The following NAALADL2 variants were observed in gnomAD, a reference collection of about 807,000 sequenced individuals.
The protein encoded by NAALADL2 is N-acetylated alpha-linked acidic dipeptidase like 2, also known as inactive N-acetylated-alpha-linked acidic dipeptidase-like protein 2.
Under a neutral mutation model 87.2 loss-of-function variants are expected in NAALADL2, and 76 were observed. The observed-to-expected ratio is 0.87, with a 90% CI of 0.72 to 1.05. The LOEUF is 1.05. NAALADL2 is among the 50% of genes least tolerant of loss of function. NAALADL2 has a pLI of 0.00. For missense variants in NAALADL2, 1,089 were observed against 945.8 expected, an observed-to-expected ratio of 1.15 and a Z score of -1.99; for synonymous variants, 354 against 331.0, an observed-to-expected ratio of 1.07 and a Z score of -0.75.
intron 2 of NAALADL2, among the ~76,000 whole-genome samples, chr3:174,708,379 G>C (rs1015171836): frequency 4.6e-5 from 7 of 152,134 alleles, no homozygotes; most frequent in African/African-American, 1.7e-4. Context: ...TTTCTTTGAA[G>C]TTTGCATGCT....
chr3:175,331,021 A>G (rs550739463), intron 5 of NAALADL2, among the ~76,000 whole-genome samples: 6 of 152,306 alleles, frequency 3.9e-5, no homozygotes, highest in South Asian at 2.1e-4. Flanking sequence ...ATGAACAACT[A>G]TACACTAACA....
At chr3:175,013,302 T>TATA (rs1491529571) in intron 1 of NAALADL2, among the ~76,000 whole-genome samples, 32 of 54,844 alleles carry the variant, frequency 5.8e-4, no homozygotes, top group Non-Finnish European at 8.8e-4. Context: ...TATATATATA[T>TATA]TTTTTTTTTT....
chr3:174,969,248 A>G (rs1443705243), intron 1 of NAALADL2, among the ~76,000 whole-genome samples: 1 of 152,130 alleles, frequency 6.6e-6, no homozygotes, highest in Non-Finnish European at 1.5e-5. Flanking sequence ...ATGTTATCTT[A>G]AATGTCATTG....
intron 2 of NAALADL2, among the ~76,000 whole-genome samples, chr3:174,652,709 A>C (rs1724498789): frequency 6.6e-6 from 1 of 152,314 alleles, no homozygotes; most frequent in African/African-American, 2.4e-5. Flanking sequence ...ACACAGCCAA[A>C]CCATATCACA....
intron 4 of NAALADL2, among the ~76,000 whole-genome samples, chr3:175,300,731 C>A (rs1756954301): frequency 6.7e-6 from 1 of 148,702 alleles, no homozygotes; most frequent in African/African-American, 2.4e-5. Flanking sequence ...TTCAAAAAAC[C>A]ATCTCCTGGA....
intron 3 of NAALADL2, among the ~76,000 whole-genome samples, chr3:174,843,701 T>C (rs2109433651): frequency 6.6e-6 from 1 of 152,296 alleles, no homozygotes; most frequent in East Asian, 1.9e-4. Flanking sequence ...CTGACACTTT[T>C]GTCTTTGGTA....
At chr3:174,748,534 G>C (rs933188566) in intron 3 of NAALADL2, among the ~76,000 whole-genome samples, 4 of 152,040 alleles carry the variant, frequency 2.6e-5, no homozygotes, top group African/African-American at 9.7e-5. Flanking sequence ...AATTCATGTT[G>C]TTTTAAGCCA....
chr3:174,901,929 C>T (rs1732363976), intron 1 of NAALADL2, among the ~76,000 whole-genome samples: 1 of 152,198 alleles, frequency 6.6e-6, no homozygotes, highest in African/African-American at 2.4e-5. Context: ...TGTAAATGTT[C>T]TCTCAAATGA....
At chr3:175,290,768 C>T (rs771556742) in intron 4 of NAALADL2, among the ~76,000 whole-genome samples, 2 of 152,068 alleles carry the variant, frequency 1.3e-5, no homozygotes, top group Admixed American at 6.6e-5. Flanking sequence ...TGAAGTATTG[C>T]AAACCTCACT....
Position 175,809,968 on chromosome 3 carries a change from C to T in NAALADL2, c.*6765C>T, listed in dbSNP as rs986420669. ...AATAAATTTGCTTTGATTAAAAACA[C>T]ATATCTCTCAAGAGGTGTCCCAATT... On this transcript the variant is annotated 3_prime_UTR_variant, in exon 14 of 14. Coordinates refer to ENST00000454872, the MANE Select transcript of NAALADL2 (RefSeq NM_207015.3). 2.6e-5 allele frequency: 4 copies of T among 151,966 alleles called. No individual in the cohort carries two copies. Among genetic ancestry groups the T allele is most frequent in the African/African-American group, 4.8e-5 (2 of 41,384 alleles). The allele number at this position is 151,966 out of a possible 1,614,324, so 9.4% of individuals were successfully genotyped here. A position where few individuals can be genotyped will look rare whatever the true frequency, so the allele number is the denominator to read the frequency against.
chr3:174,835,673 G>A (rs1723251426), intron 3 of NAALADL2, among the ~76,000 whole-genome samples: 1 of 152,030 alleles, frequency 6.6e-6, no homozygotes, highest in African/African-American at 2.4e-5. Context: ...TAAACAATCT[G>A]ATTTTTTAAA....
rs184457432 is a variant in NAALADL2, at chr3:175,333,677, G to A, written c.1090+9352G>A. Among the ~76,000 whole-genome samples the A allele has an allele frequency of 1.5e-4, 23 of 150,094 alleles. No homozygotes were observed. The East Asian group carries it at 4.4e-3, about 29-fold the overall frequency. Reference sequence around the variant, plus strand: ...GATATCAGAGGCTGTGGGTAGAGGTGTGGTGGGCGCCGGGGGGATGAAGAG... The same window carrying A: ...GATATCAGAGGCTGTGGGTAGAGGTATGGTGGGCGCCGGGGGGATGAAGAG... On this transcript the variant is annotated intron_variant, in intron 5 of 13. Transcript: ENST00000454872.
At chr3:175,147,238 C>T (rs1381876935) in intron 2 of NAALADL2, among the ~76,000 whole-genome samples, 1 of 152,094 alleles carries the variant, frequency 6.6e-6, no homozygotes. Context: ...TTGCCATCCT[C>T]CTTTGCTCCC....
rs1316176603 is a variant in NAALADL2 at position 175,809,410 on chromosome 3, C to T, written c.*6207C>T. 5 of 139,730 alleles carry T rather than the reference C, an allele frequency of 3.6e-5. No individual in the cohort carries two copies. Among genetic ancestry groups the T allele is most frequent in the Non-Finnish European group, 7.6e-5 (5 of 66,194 alleles). 8.7% of individuals were successfully genotyped at this position (139,730 alleles called of 1,614,324 possible). ...TTGCTACTTGGAGAATATGGATATT[C>T]TGAAAAGAAAAACCCTTTCTAGAAC... is the stretch of plus-strand genomic sequence containing the variant. On this transcript the variant is annotated 3_prime_UTR_variant, in exon 14 of 14. Transcript: ENST00000454872.
At chr3:175,244,895 A>T (rs2054327) in intron 3 of NAALADL2, among the ~76,000 whole-genome samples, 117,719 of 152,026 alleles carry the variant, frequency 0.77, 45,748 homozygotes, top group East Asian at 0.88. Flanking sequence ...GTTGATGTCT[A>T]TGTTTACTTT....
intron 3 of NAALADL2, among the ~76,000 whole-genome samples, chr3:174,827,809 A>T (rs914416142): frequency 6.6e-6 from 1 of 152,112 alleles, no homozygotes; most frequent in African/African-American, 2.4e-5. Context: ...TTACCATCCA[A>T]TTGTAGCAAA....
At chr3:174,862,569 AC>A (rs1268154132) in intron 1 of NAALADL2, among the ~76,000 whole-genome samples, 14 of 152,026 alleles carry the variant, frequency 9.2e-5, no homozygotes, top group Admixed American at 9.2e-4. Flanking sequence ...AGCTCCTGCT[AC>A]CTCAGGAATC....
intron 3 of NAALADL2, among the ~76,000 whole-genome samples, chr3:174,800,424 A>G (rs985756306): frequency 6.6e-6 from 1 of 152,212 alleles, no homozygotes; most frequent in African/African-American, 2.4e-5. Context: ...TTGAGCCTGC[A>G]GGTGCACAGA....
At chr3:175,674,287 T>G (rs1251882334) in intron 11 of NAALADL2, among the ~76,000 whole-genome samples, 1 of 149,824 alleles carries the variant, frequency 6.7e-6, no homozygotes, top group South Asian at 2.1e-4. Flanking sequence ...TGAGTTGGAG[T>G]CTATCTCTGT....
Sources: allele counts gnomAD v4.1 joint callset (sites outside exome capture counted in the v4.1 genomes callset), GRCh38; gene constraint gnomAD v4.1.1; transcripts MANE v1.5; gene names NCBI Gene and HGNC (gene_info 2026-07-23, HGNC 2026-07-21).